SHISA9: variants seen among roughly 807,000 people sequenced by gnomAD.
The protein encoded by SHISA9 is shisa family member 9.
Under a neutral mutation model 38.0 loss-of-function variants are expected in SHISA9, and 13 were observed. The ratio of observed to expected loss-of-function variants is 0.34; its 90% confidence interval spans 0.22 to 0.54. SHISA9 has a LOEUF of 0.54. SHISA9 is among the 20% of genes least tolerant of loss of function. The pLI, the probability that SHISA9 is intolerant of heterozygous loss-of-function variation, is 0.91. For missense variants in SHISA9, 538 were observed against 575.8 expected (o/e 0.93, Z 0.67); for synonymous variants, 275 against 242.0 (o/e 1.14, Z -1.27).
intron 2 of SHISA9, among the ~76,000 whole-genome samples, chr16:12,948,886 C>A (rs979089247): frequency 1.3e-5 from 2 of 152,040 alleles, no homozygotes; most frequent in Non-Finnish European, 2.9e-5. Context: ...CTTATTTTTC[C>A]CAATAAACCA....
intron 2 of SHISA9, among the ~76,000 whole-genome samples, chr16:13,109,615 C>G (rs941560494): frequency 1.3e-5 from 2 of 152,204 alleles, no homozygotes; most frequent in African/African-American, 4.8e-5. Flanking sequence ...ACTTGTGCAA[C>G]TATCATGAGC....
At chr16:13,234,759 G>T (rs934437798) in intron 4 of SHISA9, among the ~76,000 whole-genome samples, 1 of 152,118 alleles carries the variant, frequency 6.6e-6, no homozygotes, top group Non-Finnish European at 1.5e-5. Flanking sequence ...GTGGGACTGT[G>T]GGGGGAGAAG....
At chr16:13,318,232 T>C in the SHISA9 span, among the ~76,000 whole-genome samples, 4 of 152,204 alleles carry the variant, frequency 2.6e-5, no homozygotes, top group Non-Finnish European at 5.9e-5. Flanking sequence ...ATCCTGTGCA[T>C]TGTAGGATGT....
At chr16:13,140,189 TC>T (rs1407898352) in intron 2 of SHISA9, among the ~76,000 whole-genome samples, 5 of 124,390 alleles carry the variant, frequency 4.0e-5, no homozygotes, top group Admixed American at 8.8e-5. Context: ...CCCTTCCCTT[TC>T]TTTTTAGACA....
the SHISA9 span, among the ~76,000 whole-genome samples, chr16:13,437,878 TTTTTG>T: frequency 3.6e-5 from 5 of 140,722 alleles, no homozygotes; most frequent in Admixed American, 7.4e-5. Context: ...TTTTTTTTTT[TTTTTG>T]AGACAGAGTT....
At chr16:13,356,145 G>C in the SHISA9 span, among the ~76,000 whole-genome samples, 2 of 152,178 alleles carry the variant, frequency 1.3e-5, no homozygotes, top group Non-Finnish European at 2.9e-5. Context: ...TGGAGGCAAG[G>C]AATTGCAACT....
chr16:13,005,062 G>A (rs1393669805), intron 2 of SHISA9, among the ~76,000 whole-genome samples: 1 of 142,084 alleles, frequency 7.0e-6, no homozygotes, highest in Admixed American at 6.7e-5. Flanking sequence ...TCAAGAATGT[G>A]TCCTGGATCT....
chr16:13,307,119 A>T, the SHISA9 span, among the ~76,000 whole-genome samples: 1 of 152,162 alleles, frequency 6.6e-6, no homozygotes, highest in South Asian at 2.1e-4. Flanking sequence ...ATCTCTACAA[A>T]CCTGGACAAG....
chr16:12,977,889 C>T (rs771662707), intron 2 of SHISA9, among the ~76,000 whole-genome samples: 3 of 151,758 alleles, frequency 2.0e-5, no homozygotes, highest in South Asian at 2.1e-4. Flanking sequence ...ACTTAGGTAA[C>T]GAGATGATTT....
the SHISA9 span, among the ~76,000 whole-genome samples, chr16:13,532,469 C>G: frequency 1.3e-5 from 2 of 152,086 alleles, no homozygotes; most frequent in Non-Finnish European, 2.9e-5. Context: ...TGAATCCAAG[C>G]TGCTGCCCTG....
At chr16:13,019,478 A>T (rs1046716455) in intron 2 of SHISA9, among the ~76,000 whole-genome samples, 13 of 151,616 alleles carry the variant, frequency 8.6e-5, no homozygotes, top group African/African-American at 1.9e-4. Context: ...TCAGATTTTT[A>T]AAAAAATTAT....
the SHISA9 span, among the ~76,000 whole-genome samples, chr16:13,457,081 C>T: frequency 2.5e-4 from 38 of 152,198 alleles, no homozygotes; most frequent in African/African-American, 8.4e-4. Context: ...CCAAGGCGGG[C>T]GGATCACCTG....
intron 2 of SHISA9, among the ~76,000 whole-genome samples, chr16:12,918,414 G>A (rs974861398): frequency 5.3e-5 from 8 of 152,158 alleles, no homozygotes; most frequent in Non-Finnish European, 1.0e-4. Flanking sequence ...ATTGCTAACA[G>A]GATTTTCCCT....
intron 1 of SHISA9, among the ~76,000 whole-genome samples, chr16:12,912,813 C>A (rs1392298219): frequency 6.6e-6 from 1 of 152,184 alleles, no homozygotes; most frequent in Non-Finnish European, 1.5e-5. Context: ...CTGATGGACA[C>A]CTTGTCACGT....
the SHISA9 span, among the ~76,000 whole-genome samples, chr16:13,543,708 C>G: frequency 6.6e-6 from 1 of 152,082 alleles, no homozygotes; most frequent in African/African-American, 2.4e-5. Flanking sequence ...AAAGCTTGTA[C>G]CAAAACTACT....
the SHISA9 span, among the ~76,000 whole-genome samples, chr16:13,352,664 G>A: frequency 1.1e-5 from 1 of 89,792 alleles, no homozygotes; most frequent in African/African-American, 3.8e-5. Flanking sequence ...GCGCAGGCGG[G>A]CTGAGTCCGG....
At chr16:13,096,749 C>A (rs780257783) in intron 2 of SHISA9, among the ~76,000 whole-genome samples, 4 of 152,140 alleles carry the variant, frequency 2.6e-5, no homozygotes, top group Non-Finnish European at 5.9e-5. Context: ...CTCAGTTCCA[C>A]CTTCTTGGAC....
chr16:13,344,279 GT>G, the SHISA9 span, among the ~76,000 whole-genome samples: 1 of 152,172 alleles, frequency 6.6e-6, no homozygotes, highest in Non-Finnish European at 1.5e-5. Flanking sequence ...CAGCCAGTAG[GT>G]CTGTATTTGG....
chr16:13,319,839 A>T, the SHISA9 span, among the ~76,000 whole-genome samples: 2 of 151,550 alleles, frequency 1.3e-5, no homozygotes, highest in African/African-American at 4.8e-5. Flanking sequence ...AACAGAACGC[A>T]TGTGGCTTTT....
Sources: gnomAD v4.1 joint callset for allele counts (sites outside exome capture counted in the v4.1 genomes callset) on GRCh38, gnomAD v4.1.1 for gene constraint, MANE v1.5 for transcripts, NCBI Gene and HGNC (gene_info 2026-07-23, HGNC 2026-07-21) for gene names.